Variants in CNTN5 observed in about 807,000 individuals in gnomAD.
The protein encoded by CNTN5 is contactin-5.
Under a neutral mutation model 129.1 loss-of-function variants are expected in CNTN5, and 77 were observed. The observed-to-expected ratio is 0.60, with a 90% confidence interval of 0.50 to 0.72. The LOEUF is 0.72. Ranked by LOEUF, CNTN5 falls within the 30% of genes least tolerant of loss-of-function variation. The pLI, the probability that CNTN5 is intolerant of heterozygous loss-of-function variation, is 0.00. For missense variants in CNTN5, 1,478 were observed against 1,328.8 expected (o/e 1.11, Z -1.75); for synonymous variants, 509 against 465.6 (o/e 1.09, Z -1.20).
chr11:100,302,147 G>A (rs1049536948), intron 20 of CNTN5, among the ~76,000 whole-genome samples: 1 of 151,528 alleles, frequency 6.6e-6, no homozygotes, highest in Non-Finnish European at 1.5e-5. Flanking sequence ...ACAATAAAAA[G>A]GGAAAATCAA....
intron 2 of CNTN5, among the ~76,000 whole-genome samples, chr11:99,418,470 G>A (rs745426196): frequency 3.3e-5 from 5 of 152,160 alleles, no homozygotes; most frequent in East Asian, 1.9e-4. Flanking sequence ...CAGATAACAT[G>A]TCCAAAGGGA....
At chr11:99,157,513 G>T (rs1404263637) in intron 1 of CNTN5, among the ~76,000 whole-genome samples, 1 of 151,990 alleles carries the variant, frequency 6.6e-6, no homozygotes, top group African/African-American at 2.4e-5. Context: ...TTGATATCAA[G>T]TTGTATATAA....
chr11:100,016,211 T>C (rs1940812231), intron 9 of CNTN5, among the ~76,000 whole-genome samples: 1 of 152,086 alleles, frequency 6.6e-6, no homozygotes, highest in South Asian at 2.1e-4. Flanking sequence ...ACAAATGCCA[T>C]AGATACGGGA....
At chr11:100,101,689 G>T (rs1004917052) in intron 13 of CNTN5, among the ~76,000 whole-genome samples, 1 of 152,008 alleles carries the variant, frequency 6.6e-6, no homozygotes, top group Non-Finnish European at 1.5e-5. Context: ...CCAGGGCAGA[G>T]TATACTATAC....
intron 13 of CNTN5, among the ~76,000 whole-genome samples, chr11:100,181,047 C>A (rs1948126143): frequency 6.6e-6 from 1 of 151,954 alleles, no homozygotes; most frequent in Non-Finnish European, 1.5e-5. Context: ...ATATTATACT[C>A]TTGGGCATTT....
chr11:99,295,858 G>A (rs1864360528), intron 1 of CNTN5, among the ~76,000 whole-genome samples: 1 of 146,630 alleles, frequency 6.8e-6, no homozygotes, highest in Non-Finnish European at 1.5e-5. Context: ...AGTCTGGCCT[G>A]GGCGACAGAG....
chr11:99,440,732 G>A (rs571067765), intron 2 of CNTN5, among the ~76,000 whole-genome samples: 1 of 152,074 alleles, frequency 6.6e-6, no homozygotes, highest in South Asian at 2.1e-4. Flanking sequence ...TAAAATGTCA[G>A]CAAAAGGGGA....
At chr11:100,004,339 C>G (rs1357440036) in intron 9 of CNTN5, among the ~76,000 whole-genome samples, 1 of 152,060 alleles carries the variant, frequency 6.6e-6, no homozygotes, top group East Asian at 1.9e-4. Context: ...CTGTTTCTTA[C>G]ACTGGGATCT....
chr11:99,234,533 A>G (rs1861168334), intron 1 of CNTN5, among the ~76,000 whole-genome samples: 1 of 151,008 alleles, frequency 6.6e-6, no homozygotes, highest in Non-Finnish European at 1.5e-5. Context: ...TACCTCTATC[A>G]CTGTACATAT....
At chr11:99,781,415 T>C (rs992184827) in intron 3 of CNTN5, among the ~76,000 whole-genome samples, 6 of 152,098 alleles carry the variant, frequency 3.9e-5, no homozygotes, top group African/African-American at 1.4e-4. Flanking sequence ...AATAATAACT[T>C]CTTAAGAATG....
intron 23 of CNTN5, among the ~76,000 whole-genome samples, chr11:100,343,095 T>A (rs1463403052): frequency 6.6e-6 from 1 of 152,134 alleles, no homozygotes; most frequent in Admixed American, 6.6e-5. Flanking sequence ...TTAGGTACAA[T>A]TTTTAAAATT....
intron 2 of CNTN5, among the ~76,000 whole-genome samples, chr11:99,366,002 C>A (rs1450287500): frequency 6.6e-6 from 1 of 152,118 alleles, no homozygotes; most frequent in African/African-American, 2.4e-5. Flanking sequence ...GTTTTAGCAA[C>A]AGTGTCATGA....
intron 9 of CNTN5, among the ~76,000 whole-genome samples, chr11:100,008,639 T>C (rs984926677): frequency 6.6e-6 from 1 of 152,118 alleles, no homozygotes; most frequent in Non-Finnish European, 1.5e-5. Flanking sequence ...TCTTAATCAT[T>C]ATGTAAACAT....
chr11:100,164,429 CTCA>C (rs977699141), intron 13 of CNTN5, among the ~76,000 whole-genome samples: 9 of 151,554 alleles, frequency 5.9e-5, no homozygotes, highest in African/African-American at 2.2e-4. Flanking sequence ...TATACCAATC[CTCA>C]TATTACATTA....
At chr11:99,627,859 T>C (rs1221992355) in intron 3 of CNTN5, among the ~76,000 whole-genome samples, 1 of 151,200 alleles carries the variant, frequency 6.6e-6, no homozygotes, top group East Asian at 1.9e-4. Flanking sequence ...CCCCATATCA[T>C]GCAGATTATT....
At chr11:99,079,765 C>T (rs1221978703) in intron 1 of CNTN5, among the ~76,000 whole-genome samples, 1 of 152,154 alleles carries the variant, frequency 6.6e-6, no homozygotes, top group Non-Finnish European at 1.5e-5. Flanking sequence ...TCCTTTCTGA[C>T]TATAAAGCCC....
intron 1 of CNTN5, among the ~76,000 whole-genome samples, chr11:99,074,120 A>T (rs1407072545): frequency 6.6e-6 from 1 of 152,108 alleles, no homozygotes; most frequent in African/African-American, 2.4e-5. Flanking sequence ...GTATTTCTCT[A>T]ATGACCAGTG....
chr11:100,170,950 CCA>C (rs1947808175), intron 13 of CNTN5, among the ~76,000 whole-genome samples: 1 of 151,520 alleles, frequency 6.6e-6, no homozygotes, highest in Non-Finnish European at 1.5e-5. Context: ...GAAATCTTGC[CCA>C]CACTCTTCTT....
At chr11:99,553,466 G>A (rs1948560712) in intron 2 of CNTN5, among the ~76,000 whole-genome samples, 1 of 151,724 alleles carries the variant, frequency 6.6e-6, no homozygotes, top group East Asian at 1.9e-4. Context: ...GGATAACTAT[G>A]TTTTCAAAAG....
Sources: gnomAD v4.1 joint callset for allele counts (sites outside exome capture counted in the v4.1 genomes callset) on GRCh38, gnomAD v4.1.1 for gene constraint, MANE v1.5 for transcripts, NCBI Gene and HGNC (gene_info 2026-07-23, HGNC 2026-07-21) for gene names.